Variants in RAD51B observed in about 807,000 individuals in gnomAD.
RAD51B encodes RAD51 paralog B.
A neutral mutation model predicts 42.2 loss-of-function variants in RAD51B; 38 were observed. That is an observed-to-expected ratio of 0.90 (90% CI 0.70 to 1.18). The LOEUF is 1.18. RAD51B is among the 50% of genes most tolerant of loss of function. RAD51B has a pLI of 0.00. For synonymous variants in RAD51B, 154 were observed against 145.2 expected (o/e 1.06, Z -0.43); for missense variants, 373 against 400.7 (o/e 0.93, Z 0.59).
intron 8 of RAD51B, among the ~76,000 whole-genome samples, chr14:68,322,919 C>T (rs1168414140): frequency 1.3e-5 from 2 of 152,142 alleles, no homozygotes; most frequent in African/African-American, 4.8e-5. Context: ...GCACCTTGAA[C>T]GGTTGGTTAA....
At chr14:68,402,022 A>G (rs559126267) in intron 8 of RAD51B, among the ~76,000 whole-genome samples, 16 of 152,306 alleles carry the variant, frequency 1.1e-4, no homozygotes, top group African/African-American at 2.6e-4. Context: ...ACCATTGTCA[A>G]TTTTAGAGAC....
intron 9 of RAD51B, among the ~76,000 whole-genome samples, chr14:68,425,551 G>A (rs1430926870): frequency 6.6e-6 from 1 of 152,218 alleles, no homozygotes; most frequent in Non-Finnish European, 1.5e-5. Context: ...GATGCAGCAA[G>A]AAGGCCCTCA....
chr14:68,461,957 G>A (rs938362827), intron 9 of RAD51B, among the ~76,000 whole-genome samples: 37 of 152,168 alleles, frequency 2.4e-4, no homozygotes, highest in Admixed American at 9.2e-4. Flanking sequence ...GGGATGAAGT[G>A]AAGAACAGTG....
At chr14:68,027,980 G>C (rs1338584574) in intron 7 of RAD51B, among the ~76,000 whole-genome samples, 1 of 152,078 alleles carries the variant, frequency 6.6e-6, no homozygotes, top group Non-Finnish European at 1.5e-5. Context: ...GATGCAGGTT[G>C]AGTATAGTCA....
chr14:68,658,944 A>C lies in RAD51B; in HGVS notation c.*11+8088A>C, dbSNP rs1892877301. On this transcript the variant is annotated intron_variant, in intron 11 of 11. Transcript: ENST00000488612. ...TAAGAGAGAGGCTGTACAGCCCAGG[A>C]TGTCACTCCCTGCACAGCACAACCA... is the stretch of plus-strand genomic sequence containing the variant. Among the ~76,000 whole-genome samples, 3 of 152,224 alleles carry C rather than the reference A, an allele frequency of 2.0e-5. No individual in the cohort carries two copies. In the South Asian group the frequency reaches 6.2e-4, roughly 32 times the overall value.
chr14:67,874,156 C>T (rs1344718445), intron 5 of RAD51B, among the ~76,000 whole-genome samples: 1 of 151,958 alleles, frequency 6.6e-6, no homozygotes, highest in Non-Finnish European at 1.5e-5. Flanking sequence ...AGATGATATA[C>T]TTAAAAGCAC....
At chr14:67,910,781 G>T (rs1208547440) in intron 7 of RAD51B, among the ~76,000 whole-genome samples, 4 of 151,114 alleles carry the variant, frequency 2.6e-5, no homozygotes, top group African/African-American at 9.7e-5. Context: ...CTGAATAAAA[G>T]ATAGAATCCT....
At chr14:68,272,635 T>TTA (rs1196934518) in intron 7 of RAD51B, among the ~76,000 whole-genome samples, 805 of 19,830 alleles carry the variant, frequency 0.041, 27 homozygotes, top group East Asian at 0.071. Context: ...TATAAACACT[T>TTA]TATATATATA....
At chr14:68,586,115 C>G (rs75890332) in intron 10 of RAD51B, among the ~76,000 whole-genome samples, 26,422 of 152,002 alleles carry the variant, frequency 0.17, 2,707 homozygotes, top group Non-Finnish European at 0.24. Flanking sequence ...TCATTAAAGG[C>G]GGGTGAAAAA....
At position 68,177,525 on chromosome 14, in the gene RAD51B, T is replaced by A. The variant is rs142073071; in HGVS notation, c.757-114359T>A. On this transcript the variant is annotated intron_variant, in intron 7 of 10. Coordinates refer to ENST00000471583, the MANE Select transcript of RAD51B (RefSeq NM_133510.4). ...AAAAACATGCGATCACATGTGCTTA[T>A]CTTTTCTCTCACTAGGCTGGAGCTT... Among the ~76,000 whole-genome samples the A allele has an allele frequency of 1.2e-4, 19 of 152,310 alleles. No homozygotes were observed. In the East Asian group the frequency reaches 3.3e-3, roughly 26 times the overall value.
intron 7 of RAD51B, among the ~76,000 whole-genome samples, chr14:68,147,588 A>G (rs1848194258): frequency 6.6e-6 from 1 of 152,200 alleles, no homozygotes; most frequent in Non-Finnish European, 1.5e-5. Flanking sequence ...TTGTAATCTG[A>G]TATCTATCTC....
At chr14:68,467,256 T>C (rs1594880496) in intron 9 of RAD51B, among the ~76,000 whole-genome samples, 1 of 152,226 alleles carries the variant, frequency 6.6e-6, no homozygotes, top group East Asian at 1.9e-4. Context: ...TCCTTTAAAA[T>C]AAGTGTTGTC....
In RAD51B at chr14:68,051,288, C is replaced by T. The variant is rs374982640; in HGVS notation, c.756+164084C>T. On this transcript the variant is annotated intron_variant, in intron 7 of 10. Transcript: ENST00000471583. ...AAACATATATTGCCTGTTTTCTTGG[C>T]ACTACTAAATTATTCTACAACATGA... Among the ~76,000 whole-genome samples, 9 of 152,076 alleles carry T rather than the reference C, an allele frequency of 5.9e-5. No homozygotes were observed. In the East Asian group the frequency reaches 1.3e-3, roughly 23 times the overall value.
chr14:68,429,694 A>G (rs1009940982), intron 9 of RAD51B, among the ~76,000 whole-genome samples: 117 of 152,218 alleles, frequency 7.7e-4, no homozygotes, highest in Middle Eastern at 3.4e-3. Context: ...CCCATTCTGT[A>G]GGTTGCCTGT....
In RAD51B at chr14:68,451,994, A is replaced by G. The variant is rs568815846; in HGVS notation, c.958-16178A>G. On this transcript the variant is annotated intron_variant, in intron 9 of 10. Transcript: ENST00000471583. ...TTTTTACTATAGTAATCACACAGCCATAGTCTTCCTTCTGTGACCCTTGAA... is the reference window on the plus strand; with the variant it reads ...TTTTTACTATAGTAATCACACAGCCGTAGTCTTCCTTCTGTGACCCTTGAA... 4.1e-4 allele frequency among the ~76,000 whole-genome samples: 63 copies of G among 152,330 alleles called. 1 individual carries two copies. The highest frequency in any genetic ancestry group is 1.5e-3 in the South Asian group (7 of 4,826).
intron 7 of RAD51B, among the ~76,000 whole-genome samples, chr14:68,091,913 A>G (rs546320113): frequency 5.9e-5 from 9 of 152,330 alleles, no homozygotes; most frequent in South Asian, 2.1e-4. Context: ...AGCTTTCTAC[A>G]TATAGCTAGC....
intron 7 of RAD51B, among the ~76,000 whole-genome samples, chr14:68,008,120 A>C (rs1330878591): frequency 6.6e-6 from 1 of 151,956 alleles, no homozygotes; most frequent in South Asian, 2.1e-4. Context: ...TTGAATCAGT[A>C]GTTTTACTTC....
intron 8 of RAD51B, among the ~76,000 whole-genome samples, chr14:68,334,957 T>TTA (rs869183847): frequency 3.4e-4 from 27 of 78,600 alleles, no homozygotes; most frequent in South Asian, 8.9e-4. Flanking sequence ...TATATATGTT[T>TTA]TATATATATA....
chr14:68,539,813 T>G (rs528892772), intron 10 of RAD51B, among the ~76,000 whole-genome samples: 1 of 152,298 alleles, frequency 6.6e-6, no homozygotes, highest in African/African-American at 2.4e-5. Context: ...TTTCATTGTT[T>G]TAATTTTGGG....
Sources: allele counts gnomAD v4.1 joint callset (sites outside exome capture counted in the v4.1 genomes callset), GRCh38; gene constraint gnomAD v4.1.1; transcripts MANE v1.5; gene names NCBI Gene and HGNC (gene_info 2026-07-23, HGNC 2026-07-21).